The following KLHL7 variants were observed in gnomAD, a reference collection of about 807,000 sequenced individuals.
KLHL7 encodes the protein kelch like family member 7.
Under a neutral mutation model 67.4 loss-of-function variants are expected in KLHL7, and 44 were observed. The ratio of observed to expected loss-of-function variants is 0.65; its 90% CI spans 0.51 to 0.84. The LOEUF is 0.84. Ranked by LOEUF, KLHL7 falls within the 40% of genes least tolerant of loss-of-function variation. The pLI is 0.00. For synonymous variants in KLHL7, 252 were observed against 243.3 expected, an observed-to-expected ratio of 1.04 and a Z score of -0.33; for missense variants, 362 against 718.1, an observed-to-expected ratio of 0.50 and a Z score of 5.67.
At chr7:23,169,716 T>C (rs903281511) in intron 9 of KLHL7, among the ~76,000 whole-genome samples, 2 of 152,208 alleles carry the variant, frequency 1.3e-5, no homozygotes, top group African/African-American at 4.8e-5. Context: ...GCTTCTGTAT[T>C]TTTTAAAACT....
intron 1 of KLHL7, among the ~76,000 whole-genome samples, chr7:23,123,484 G>GAA (rs1161710933): frequency 2.4e-4 from 23 of 96,484 alleles, no homozygotes; most frequent in African/African-American, 4.9e-4. Context: ...ATCTGTGTCA[G>GAA]AAAAAAAAAA....
chr7:23,128,616 G>A (rs1325765415), intron 4 of KLHL7, among the ~76,000 whole-genome samples: 4 of 151,944 alleles, frequency 2.6e-5, no homozygotes, highest in Non-Finnish European at 1.5e-5. Flanking sequence ...AGTGGTGACT[G>A]TGGTACAACA....
At chr7:23,138,385 C>G (rs1784057094) in intron 4 of KLHL7, among the ~76,000 whole-genome samples, 1 of 147,586 alleles carries the variant, frequency 6.8e-6, no homozygotes, top group South Asian at 2.2e-4. Context: ...TACTTGAAAC[C>G]TGGGAGGTGG....
Position 23,119,894 on chromosome 7 carries a change from A to G in KLHL7, c.121-3883A>G, listed in dbSNP as rs568112468. Among the ~76,000 whole-genome samples, 6 of 151,982 alleles carry G rather than the reference A, an allele frequency of 3.9e-5. No homozygotes were observed. The South Asian group carries it at 6.2e-4, about 16-fold the overall frequency. On this transcript the variant is annotated intron_variant, in intron 1 of 10. Transcript: ENST00000339077. ...TTTACTGACTTTTCTTGTTATTTCT[A>G]TAAGTGTAACTTGATTTATCTTTAT...
chr7:23,128,485 A>G (rs1334160398), intron 4 of KLHL7, among the ~76,000 whole-genome samples: 1 of 150,734 alleles, frequency 6.6e-6, no homozygotes, highest in Non-Finnish European at 1.5e-5. Context: ...TATACTGAGT[A>G]TTAAACCTGA....
chr7:23,152,249 A>C, intron 7 of KLHL7, 40 bp downstream of exon 7: 1 of 1,587,260 alleles, frequency 6.3e-7, no homozygotes, highest in Non-Finnish European at 8.6e-7. Flanking sequence ...GTTGTCTTTG[A>C]AATCACTGAA....
intron 4 of KLHL7, among the ~76,000 whole-genome samples, chr7:23,139,872 T>G (rs1156497446): frequency 1.3e-5 from 2 of 152,074 alleles, no homozygotes; most frequent in African/African-American, 4.8e-5. Context: ...CCTCCTTTCC[T>G]TTCCGTCTTC....
At chr7:23,117,931 C>G in intron 1 of KLHL7, 1 of 1,614,120 alleles carries the variant, frequency 6.2e-7, no homozygotes, top group Non-Finnish European at 8.5e-7. Context: ...GGACTGATTG[C>G]AGAACCTTCT....
chr7:23,106,962 T>C (rs141805183), intron 1 of KLHL7, among the ~76,000 whole-genome samples: 1 of 152,254 alleles, frequency 6.6e-6, no homozygotes, highest in African/African-American at 2.4e-5. Flanking sequence ...GTGGGAATGT[T>C]TGGGTTTTGT....
At chr7:23,162,411 A>G (rs1173582729) in intron 7 of KLHL7, among the ~76,000 whole-genome samples, 1 of 152,188 alleles carries the variant, frequency 6.6e-6, no homozygotes, top group Non-Finnish European at 1.5e-5. Context: ...AATAGTAGCT[A>G]TTTGGTTAGG....
chr7:23,106,566 C>T, intron 1 of KLHL7: 3 of 1,054,100 alleles, frequency 2.8e-6, no homozygotes, highest in Non-Finnish European at 3.4e-6. Flanking sequence ...GAGTTGCTGG[C>T]CTGACATCAG....
intron 4 of KLHL7, among the ~76,000 whole-genome samples, chr7:23,134,788 A>T (rs150785415): frequency 6.6e-6 from 1 of 152,082 alleles, no homozygotes; most frequent in African/African-American, 2.4e-5. Flanking sequence ...TTTCTGCACT[A>T]TCAGTTGTAG....
chr7:23,138,482 AAAGAAG>A (rs1179105752), intron 4 of KLHL7, among the ~76,000 whole-genome samples: 1 of 139,776 alleles, frequency 7.2e-6, no homozygotes, highest in African/African-American at 3.0e-5. Flanking sequence ...AAAAAAAAAA[AAAGAAG>A]GTATAAAACC....
intron 1 of KLHL7, chr7:23,117,898 C>A: frequency 6.2e-7 from 1 of 1,613,962 alleles, no homozygotes; most frequent in Middle Eastern, 1.6e-4. Flanking sequence ...ATACTCAATG[C>A]CAATTTGATA....
At chr7:23,160,157 T>G (rs1229099083) in intron 7 of KLHL7, among the ~76,000 whole-genome samples, 1 of 152,218 alleles carries the variant, frequency 6.6e-6, no homozygotes, top group Non-Finnish European at 1.5e-5. Flanking sequence ...TTTCTGGGAT[T>G]TGAGATAATT....
intron 1 of KLHL7, among the ~76,000 whole-genome samples, chr7:23,112,584 C>T (rs1028176437): frequency 3.3e-5 from 5 of 152,124 alleles, no homozygotes; most frequent in African/African-American, 2.4e-5. Flanking sequence ...TTCTCCTTCC[C>T]AGCAAGTCAG....
intron 1 of KLHL7, among the ~76,000 whole-genome samples, chr7:23,115,044 G>A (rs1002627117): frequency 1.3e-5 from 2 of 152,218 alleles, no homozygotes; most frequent in Non-Finnish European, 2.9e-5. Flanking sequence ...TAGTCAGCCA[G>A]AAAGCGTTTG....
chr7:23,106,540 G>T, intron 1 of KLHL7: 1 of 1,079,482 alleles, frequency 9.3e-7, no homozygotes, highest in Non-Finnish European at 1.1e-6. Flanking sequence ...CCAAACCGAA[G>T]CCCCCAAAGG....
chr7:23,165,924 G>A lies in KLHL7; in HGVS notation c.1163G>A (p.Gly388Glu). 6.2e-7 allele frequency: 1 copy of A among 1,614,100 alleles called. No homozygotes were observed. The highest frequency in any genetic ancestry group is 8.5e-7 in the Non-Finnish European group (1 of 1,179,996). Residue 388 changes from glycine to glutamate, a missense_variant, in exon 8 of 11, where the codon GGA becomes GAA. Gly to Glu is a moderately conservative substitution (Grantham distance 98, BLOSUM62 -2). Coordinates refer to ENST00000339077, the MANE Select transcript of KLHL7 (RefSeq NM_001031710.3). Reference sequence around the variant, plus strand: ...GCAGAAGGCAAAATTTATACATCTGGAGGTTCAGAAGTAGGTAAGGACTTC... The same window carrying A: ...GCAGAAGGCAAAATTTATACATCTGAAGGTTCAGAAGTAGGTAAGGACTTC... ...CAAEGKIYTS[G>E]GSEVGNSALY...
Sources: gnomAD v4.1 joint callset for allele counts (sites outside exome capture counted in the v4.1 genomes callset) on GRCh38, gnomAD v4.1.1 for gene constraint, MANE v1.5 for transcripts, NCBI Gene and HGNC (gene_info 2026-07-23, HGNC 2026-07-21) for gene names.